IGF1: variants seen among roughly 807,000 people sequenced by gnomAD.
IGF1 encodes the protein insulin like growth factor 1.
Under a neutral mutation model 13.8 loss-of-function variants are expected in IGF1, and 4 were observed. The observed-to-expected ratio is 0.29, with a 90% CI of 0.14 to 0.66. The LOEUF is 0.66. IGF1 is among the 30% of genes least tolerant of loss of function. The pLI, the probability that IGF1 is intolerant of heterozygous loss-of-function variation, is 0.78. For synonymous variants in IGF1, 76 were observed against 72.6 expected, an observed-to-expected ratio of 1.05 and a Z score of -0.23; for missense variants, 124 against 188.5, an observed-to-expected ratio of 0.66 and a Z score of 2.00.
chr12:102,410,085 T>C (rs1226556609), intron 3 of IGF1, among the ~76,000 whole-genome samples: 1 of 152,172 alleles, frequency 6.6e-6, no homozygotes, highest in Admixed American at 6.5e-5. Context: ...TCCAAGATTA[T>C]CTTGACTTAG....
At chr12:102,480,101 T>C (rs983817931) in intron 1 of IGF1, among the ~76,000 whole-genome samples, 3 of 152,212 alleles carry the variant, frequency 2.0e-5, no homozygotes, top group African/African-American at 7.2e-5. Context: ...CATAAGTACC[T>C]TGCAATAGTT....
At chr12:102,475,108 G>A (rs1017304510) in intron 2 of IGF1, among the ~76,000 whole-genome samples, 13 of 152,196 alleles carry the variant, frequency 8.5e-5, no homozygotes, top group Non-Finnish European at 1.8e-4. Flanking sequence ...TTTGCAAACA[G>A]GCCTGCCTTT....
rs201878788 is a variant in IGF1, at chr12:102,402,227, GAT to G, written c.*278_*279del. 722 of 198,388 alleles carry G rather than the reference GAT, an allele frequency of 3.6e-3. No individual in the cohort carries two copies. Among genetic ancestry groups the G allele is most frequent in the Middle Eastern group, 0.011 (5 of 466 alleles). The allele number at this position is 198,388 out of a possible 1,614,324, so 12.3% of individuals were successfully genotyped here. ...GTGGCTCTTGAGAGGCAGGGACTAA[GAT>G]ATATATATATATATATTTTTTTTTT... On this transcript the variant is annotated 3_prime_UTR_variant, in exon 4 of 4. Coordinates refer to ENST00000337514, the MANE Select transcript of IGF1 (RefSeq NM_000618.5).
intron 3 of IGF1, chr12:102,417,997 G>A (rs1875313848): frequency 8.1e-6 from 13 of 1,610,036 alleles, no homozygotes; most frequent in Middle Eastern, 1.7e-4. Context: ...GTAGATGGGG[G>A]CTGATACTGT....
rs1873329936 is a variant in IGF1, at chr12:102,397,687, C to T, written c.*4820G>A. The T allele has an allele frequency of 6.6e-6, 1 of 152,156 alleles. No homozygotes were observed. The highest frequency in any genetic ancestry group is 2.4e-5 in the African/African-American group (1 of 41,430). The allele number at this position is 152,156 out of a possible 1,614,324, so 9.4% of individuals were successfully genotyped here. On this transcript the variant is annotated 3_prime_UTR_variant, in exon 4 of 4. Coordinates refer to ENST00000337514, the MANE Select transcript of IGF1 (RefSeq NM_000618.5). ...ACAACATTTTCCTTTTGTTGTTGCC[C>T]CCCTACCAGATCTGGACTTTATGGT...
Position 102,464,631 on chromosome 12 carries a change from G to T in IGF1, c.220+11012C>A, listed in dbSNP as rs192167203. Among the ~76,000 whole-genome samples the T allele has an allele frequency of 2.6e-5, 4 of 151,900 alleles. No homozygotes were observed. In the East Asian group the frequency reaches 7.7e-4, roughly 29 times the overall value. The stretch of plus-strand genomic sequence containing the variant: ...GTGTTACAACTGCATCAAATGTTGT[G>T]TCTCTGGGAGCCATGGGATGTGAGG... On this transcript the variant is annotated intron_variant, in intron 2 of 3. Coordinates refer to ENST00000337514, the MANE Select transcript of IGF1 (RefSeq NM_000618.5).
intron 3 of IGF1, among the ~76,000 whole-genome samples, chr12:102,415,293 CAT>C (rs1874993235): frequency 6.6e-6 from 1 of 151,924 alleles, no homozygotes; most frequent in African/African-American, 2.4e-5. Flanking sequence ...TCCATCCATC[CAT>C]CCATCCATCC....
At chr12:102,430,050 C>G (rs1007169145) in intron 2 of IGF1, among the ~76,000 whole-genome samples, 1 of 152,132 alleles carries the variant, frequency 6.6e-6, no homozygotes, top group East Asian at 1.9e-4. Flanking sequence ...GCTTGTGGGC[C>G]ATTTTATTTC....
Position 102,419,659 on chromosome 12 carries a change from C to T in IGF1, c.252G>A (p.Arg84=), listed in dbSNP as rs1191231971. ...CCACGATGCCTGTCTGAGGCGCCCT[C>T]CGACTGCTGGAGCCATACCCTGTGG... ...NKPTGYGSSS[R]RAPQTGIVDE... The change falls in exon 3 of 4, where the codon CGG becomes CGA. Residue 84 remains arginine, a synonymous_variant. Coordinates refer to ENST00000337514, the MANE Select transcript of IGF1 (RefSeq NM_000618.5). The T allele has an allele frequency of 6.2e-6, 10 of 1,613,264 alleles. No individual in the cohort carries two copies. The highest frequency in any genetic ancestry group is 8.5e-6 in the Non-Finnish European group (10 of 1,180,032).
chr12:102,430,817 G>A (rs932994399), intron 2 of IGF1, among the ~76,000 whole-genome samples: 8 of 152,034 alleles, frequency 5.3e-5, no homozygotes, highest in South Asian at 2.1e-4. Context: ...GTGCTCCCAC[G>A]GTCCACTGAG....
At position 102,402,442 on chromosome 12, in the gene IGF1, G is replaced by T. The variant is rs1045410736; in HGVS notation, c.*65C>A. The T allele has an allele frequency of 1.3e-6, 1 of 780,040 alleles. No homozygotes were observed. Among genetic ancestry groups the T allele is most frequent in the South Asian group, 1.3e-5 (1 of 74,582 alleles). The allele number at this position is 780,040 out of a possible 1,614,324, so 48.3% of individuals were successfully genotyped here. The stretch of plus-strand genomic sequence containing the variant: ...TGGTAGGTGTTCCAAAGTTTAACAG[G>T]TAACTCGTGCAGAGCAAAGGATCCT... On this transcript the variant is annotated 3_prime_UTR_variant, in exon 4 of 4. Transcript: ENST00000337514.
intron 2 of IGF1, among the ~76,000 whole-genome samples, chr12:102,451,235 A>C (rs1592801796): frequency 2.0e-5 from 3 of 152,218 alleles, no homozygotes; most frequent in African/African-American, 7.2e-5. Flanking sequence ...TTTTTATCAA[A>C]ACCTGTAACT....
At chr12:102,480,239 A>G in intron 1 of IGF1, 80 bp downstream of exon 1, 2 of 1,339,062 alleles carry the variant, frequency 1.5e-6, no homozygotes, top group Non-Finnish European at 2.1e-6. Flanking sequence ...TTTAAAGTGA[A>G]GAACAGTTCT....
At chr12:102,414,603 T>A (rs954327343) in intron 3 of IGF1, among the ~76,000 whole-genome samples, 3 of 152,022 alleles carry the variant, frequency 2.0e-5, no homozygotes, top group African/African-American at 4.8e-5. Flanking sequence ...TTTGTATTTT[T>A]AGTAGAGATG....
chr12:102,402,246 T>A lies in IGF1; in HGVS notation c.*261A>T, dbSNP rs3032449. On this transcript the variant is annotated 3_prime_UTR_variant, in exon 4 of 4. Coordinates refer to ENST00000337514, the MANE Select transcript of IGF1 (RefSeq NM_000618.5). The stretch of plus-strand genomic sequence containing the variant: ...GACTAAGATATATATATATATATAT[T>A]TTTTTTTTCTTTTCTATAGAACATT... 29,623 of 228,652 alleles carry A rather than the reference T, an allele frequency of 0.13. 2,003 individuals are homozygous for A. Among genetic ancestry groups the A allele is most frequent in the East Asian group, 0.18 (1,723 of 9,702 alleles). The allele number at this position is 228,652 out of a possible 1,614,324, so 14.2% of individuals were successfully genotyped here.
At position 102,419,567 on chromosome 12, in the gene IGF1, G is replaced by C; in HGVS notation, c.344C>G (p.Ala115Gly). ...GGCACGGACAGAGCGAGCTGACTTG[G>C]CAGGCTTGAGGGGTGCGCAATACAT... ...LEMYCAPLKP[A>G]KSARSVRAQR... The change falls in exon 3 of 4, where the codon GCC (alanine) becomes GGC (glycine). Residue 115 changes from alanine to glycine, a missense_variant. Physicochemically the swap from Ala to Gly is moderately conservative, Grantham distance 60 (BLOSUM62 0). This residue lies in a region of IGF1 where 99 missense variants were observed against 171.4 expected (regional missense o/e 0.58). Coordinates refer to ENST00000337514, the MANE Select transcript of IGF1 (RefSeq NM_000618.5). 1 of 1,613,936 alleles carries C rather than the reference G, an allele frequency of 6.2e-7. No individual in the cohort carries two copies. The highest frequency in any genetic ancestry group is 8.5e-7 in the Non-Finnish European group (1 of 1,180,004).
intron 3 of IGF1, among the ~76,000 whole-genome samples, chr12:102,403,612 A>G (rs914792036): frequency 6.9e-6 from 1 of 144,072 alleles, no homozygotes; most frequent in Non-Finnish European, 1.5e-5. Context: ...GCATGCCACC[A>G]TGCCTTGACA....
At position 102,402,004 on chromosome 12, in the gene IGF1, TATG is replaced by T. The variant is rs987292358; in HGVS notation, c.*500_*502del. ...GGCCAAATTCGGCAAATATAAAGGT[TATG>T]AAGGGAGGTGGTGGGTATAGACTAA... On this transcript the variant is annotated 3_prime_UTR_variant, in exon 4 of 4. Transcript: ENST00000337514. The T allele has an allele frequency of 2.0e-5, 3 of 152,780 alleles. No individual in the cohort carries two copies. Among genetic ancestry groups the T allele is most frequent in the African/African-American group, 7.2e-5 (3 of 41,438 alleles). 9.5% of individuals were successfully genotyped at this position (152,780 alleles called of 1,614,324 possible).
intron 2 of IGF1, 47 bp downstream of exon 2, chr12:102,475,596 T>A (rs772739609): frequency 6.2e-7 from 1 of 1,607,360 alleles, no homozygotes; most frequent in South Asian, 1.1e-5. Flanking sequence ...TCCACAGAGC[T>A]GTACACTTTA....
Sources: gnomAD v4.1 joint callset for allele counts (sites outside exome capture counted in the v4.1 genomes callset) on GRCh38, gnomAD v4.1.1 for gene constraint, gnomAD v4.1.1 regional missense constraint, MANE v1.5 for transcripts, NCBI Gene and HGNC (gene_info 2026-07-23, HGNC 2026-07-21) for gene names.